The following SEMA5B variants were observed in gnomAD, a reference collection of about 807,000 sequenced individuals.
SEMA5B encodes the protein semaphorin 5B.
Under a neutral mutation model 135.0 loss-of-function variants are expected in SEMA5B, and 66 were observed. That is an observed-to-expected ratio of 0.49 (90% CI 0.40 to 0.60). The LOEUF is 0.60. SEMA5B is among the 20% of genes least tolerant of loss of function. The pLI is 0.00. For synonymous variants in SEMA5B, 690 were observed against 639.5 expected, an observed-to-expected ratio of 1.08 and a Z score of -1.19; for missense variants, 1,501 against 1,566.3, an observed-to-expected ratio of 0.96 and a Z score of 0.70.
At position 122,913,247 on chromosome 3, in the gene SEMA5B, C is replaced by T. The variant is rs2107611255; in HGVS notation, c.2458G>A (p.Glu820Lys). Residue 820 changes from glutamate (E) to lysine (K), a missense_variant, in exon 17 of 23, where the codon GAG (glutamate) becomes AAG (lysine). Glu to Lys is a moderately conservative substitution (Grantham distance 56, BLOSUM62 1). Around this residue, in one of 2 missense-constraint regions of SEMA5B, gnomAD observed 927 missense variants for 881.6 expected, o/e 1.05. Coordinates refer to ENST00000357599, the MANE Select transcript of SEMA5B (RefSeq NM_001031702.4). ...HGLQFGRRRT[E>K]TRTCPADGSG... ...CCGTCCGCGGGACAGGTCCTCGTCT[C>T]GGTCCTTCTCCTGCCGAACTGCAGG... 6.3e-7 allele frequency: 1 copy of T among 1,586,322 alleles called. No individual in the cohort carries two copies.
chr3:122,985,534 ATGT>A (rs1560411483), intron 1 of SEMA5B, among the ~76,000 whole-genome samples: 1 of 151,996 alleles, frequency 6.6e-6, no homozygotes, highest in Non-Finnish European at 1.5e-5. Flanking sequence ...AATGAGAAAA[ATGT>A]TGTCCCCAGC....
chr3:123,010,469 G>C (rs185228889), intron 1 of SEMA5B, among the ~76,000 whole-genome samples: 3 of 152,270 alleles, frequency 2.0e-5, no homozygotes, highest in Non-Finnish European at 4.4e-5. Context: ...TCTGGAAGAA[G>C]TAAATGAGGA....
intron 1 of SEMA5B, among the ~76,000 whole-genome samples, chr3:123,011,970 C>T (rs1332405009): frequency 1.3e-5 from 2 of 152,316 alleles, no homozygotes; most frequent in Admixed American, 1.3e-4. Context: ...CTCCCTCCAA[C>T]ACCACATGCA....
At chr3:122,982,805 A>G (rs1941562475) in intron 1 of SEMA5B, among the ~76,000 whole-genome samples, 1 of 151,846 alleles carries the variant, frequency 6.6e-6, no homozygotes, top group African/African-American at 2.4e-5. Flanking sequence ...CTACTGCCCC[A>G]TTTCCTCCAG....
At chr3:123,021,529 T>A (rs906140984) in intron 1 of SEMA5B, among the ~76,000 whole-genome samples, 2 of 152,258 alleles carry the variant, frequency 1.3e-5, no homozygotes, top group African/African-American at 4.8e-5. Flanking sequence ...AAGAGCCAAC[T>A]GCAGCTCTTT....
intron 4 of SEMA5B, among the ~76,000 whole-genome samples, chr3:122,940,867 C>G (rs1210198509): frequency 1.3e-5 from 2 of 152,244 alleles, no homozygotes; most frequent in African/African-American, 4.8e-5. Flanking sequence ...AACAGATAAG[C>G]TCCAGCTTAT....
intron 1 of SEMA5B, among the ~76,000 whole-genome samples, chr3:122,987,272 C>G (rs180984022): frequency 6.6e-6 from 1 of 152,042 alleles, no homozygotes; most frequent in Non-Finnish European, 1.5e-5. Context: ...GCAGTCTTGT[C>G]CCCCCCATAA....
chr3:122,913,006 C>A lies in SEMA5B; in HGVS notation c.2562G>T (p.Gly854=). The A allele has an allele frequency of 6.2e-7, 1 of 1,604,464 alleles. No homozygotes were observed. The highest frequency in any genetic ancestry group is 1.1e-5 in the South Asian group (1 of 90,202). Residue 854 remains glycine, a synonymous_variant, in exon 18 of 23, where the codon GGG becomes GGT. Transcript: ENST00000357599. ...SGSTSPHTVS[G]GWAAWGPWSS... is the part of the protein sequence containing the mutation. ...ACCACGGGCCCCAGGCGGCCCAGCC[C>A]CCGCTCACCGTGTGCGGGGAGGTGC...
At chr3:122,939,385 G>T in intron 5 of SEMA5B, 40 bp downstream of exon 5, 2 of 1,536,184 alleles carry the variant, frequency 1.3e-6, no homozygotes, top group Non-Finnish European at 1.8e-6. Context: ...CTCTGGAATA[G>T]GGGAAATTAT....
chr3:122,939,651 A>G (rs190120813), intron 4 of SEMA5B, among the ~76,000 whole-genome samples, 181 bp from the exon 5 acceptor site: 1 of 152,276 alleles, frequency 6.6e-6, no homozygotes, highest in Non-Finnish European at 1.5e-5. Context: ...CTGGGAGGAA[A>G]TCCAGGAAGC....
chr3:122,988,045 G>A (rs1481076902), intron 1 of SEMA5B, among the ~76,000 whole-genome samples: 6 of 152,114 alleles, frequency 3.9e-5, no homozygotes, highest in Non-Finnish European at 7.4e-5. Context: ...AACCTGAGCT[G>A]CATCAGAACC....
intron 1 of SEMA5B, among the ~76,000 whole-genome samples, chr3:123,006,289 C>T (rs543487315): frequency 6.0e-4 from 92 of 152,186 alleles, no homozygotes; most frequent in African/African-American, 1.8e-3. Flanking sequence ...AAGTCAGGAG[C>T]GTGAAAATGA....
At chr3:123,009,679 G>A (rs1259345111) in intron 1 of SEMA5B, among the ~76,000 whole-genome samples, 1 of 152,180 alleles carries the variant, frequency 6.6e-6, no homozygotes, top group Non-Finnish European at 1.5e-5. Flanking sequence ...TTGCAATCCT[G>A]CAGGGGTTCC....
chr3:122,995,413 CTGG>C (rs1942001228), intron 1 of SEMA5B, among the ~76,000 whole-genome samples: 1 of 152,192 alleles, frequency 6.6e-6, no homozygotes, highest in Non-Finnish European at 1.5e-5. Flanking sequence ...CCAACAGCCC[CTGG>C]GATGACAGGG....
chr3:122,944,987 G>GAGAGAT (rs1263885971), intron 3 of SEMA5B, among the ~76,000 whole-genome samples: 1 of 151,720 alleles, frequency 6.6e-6, no homozygotes, highest in Non-Finnish European at 1.5e-5. Context: ...AGGAGAGAGA[G>GAGAGAT]AGAGATAGAG....
At chr3:123,026,164 A>C (rs1942793806) in intron 1 of SEMA5B, among the ~76,000 whole-genome samples, 1 of 152,268 alleles carries the variant, frequency 6.6e-6, no homozygotes, top group South Asian at 2.1e-4. Context: ...CTGAAGGAAA[A>C]AGATGGGGTT....
At position 122,909,976 on chromosome 3, in the gene SEMA5B, G is replaced by A. The variant is rs1937611594; in HGVS notation, c.*167C>T. ...CCTGAAACCAGCCCTTTCCCCCATG[G>A]TCAATGCCAGCCAGAGCTCTCTGAA... On this transcript the variant is annotated 3_prime_UTR_variant, in exon 23 of 23. Coordinates refer to ENST00000357599, the MANE Select transcript of SEMA5B (RefSeq NM_001031702.4). The A allele has an allele frequency of 1.5e-6, 1 of 688,016 alleles. No homozygotes were observed. Among genetic ancestry groups the A allele is most frequent in the South Asian group, 2.0e-5 (1 of 50,074 alleles). The allele number at this position is 688,016 out of a possible 1,614,324, so 42.6% of individuals were successfully genotyped here. A position where few individuals can be genotyped will look rare whatever the true frequency, so the allele number is the denominator to read the frequency against.
chr3:122,910,471 C>A (rs1377340478), intron 22 of SEMA5B, among the ~76,000 whole-genome samples, 170 bp from the exon 23 acceptor site: 2 of 152,102 alleles, frequency 1.3e-5, no homozygotes, highest in Non-Finnish European at 2.9e-5. Context: ...GGCCAGAACC[C>A]CTGCACTCTT....
chr3:122,912,282 C>A lies in SEMA5B; in HGVS notation c.2786G>T (p.Gly929Val), dbSNP rs769707689. 2 of 1,612,010 alleles carry A rather than the reference C, an allele frequency of 1.2e-6. No individual in the cohort carries two copies. The highest frequency in any genetic ancestry group is 1.7e-5 in the Admixed American group (1 of 59,836). The change falls in exon 19 of 23, where the codon GGT becomes GTT. Residue 929 changes from glycine (G) to valine (V), a missense_variant. By Grantham distance (109) the Gly-to-Val change is moderately radical. This residue lies in a region of SEMA5B where 927 missense variants were observed against 881.6 expected (regional missense o/e 1.05). Coordinates refer to ENST00000357599, the MANE Select transcript of SEMA5B (RefSeq NM_001031702.4). ...WSPCSASCGG[G>V]HYQRTRSCTS... is the part of the protein sequence containing the mutation. ...GCAGGAACGGGTGCGTTGATAGTGA[C>A]CCCCACCACAGGAAGCTGAGCATGG...
Sources: gnomAD v4.1 joint callset for allele counts (sites outside exome capture counted in the v4.1 genomes callset) on GRCh38, gnomAD v4.1.1 for gene constraint, gnomAD v4.1.1 regional missense constraint, MANE v1.5 for transcripts, NCBI Gene and HGNC (gene_info 2026-07-23, HGNC 2026-07-21) for gene names.